TRAPPC9: variants seen among roughly 807,000 people sequenced by gnomAD.
TRAPPC9 encodes the protein IKK2 binding protein.
In TRAPPC9, 83 loss-of-function variants were observed where a neutral mutation model predicts 124.0. That is an observed-to-expected ratio of 0.67 (90% CI 0.56 to 0.80). The LOEUF (loss-of-function observed/expected upper bound fraction) is 0.80. TRAPPC9 is among the 30% of genes least tolerant of loss of function. The pLI is 0.00. For synonymous variants in TRAPPC9, 638 were observed against 617.5 expected (o/e 1.03, Z -0.49); for missense variants, 1,302 against 1,508.3 (o/e 0.86, Z 2.27).
At chr8:140,356,302 C>T (rs1439522584) in intron 9 of TRAPPC9, among the ~76,000 whole-genome samples, 2 of 152,226 alleles carry the variant, frequency 1.3e-5, no homozygotes, top group South Asian at 2.1e-4. Flanking sequence ...CATCAACCTC[C>T]GAGCACGTGG....
At chr8:140,332,181 G>A (rs2066910805) in intron 9 of TRAPPC9, among the ~76,000 whole-genome samples, 1 of 152,170 alleles carries the variant, frequency 6.6e-6, no homozygotes, top group Admixed American at 6.5e-5. Context: ...CTATGACATG[G>A]TTGAACCTAA....
In TRAPPC9 at chr8:139,910,626, G is replaced by A. The variant is rs115291100; in HGVS notation, c.2811-326C>T. On this transcript the variant is annotated intron_variant, in intron 19 of 22. Transcript: ENST00000438773. ...TGTGCCATAGATAGTGAGCTGGATG[G>A]CGACTTAAACTCCTGTGCAGTCATG... Among the ~76,000 whole-genome samples, 3,092 of 152,226 alleles carry A rather than the reference G, an allele frequency of 0.02. 88 individuals are homozygous for A. Among genetic ancestry groups the A allele is most frequent in the Middle Eastern group, 0.085 (25 of 294 alleles).
In TRAPPC9 at chr8:140,283,187, G is replaced by A. The variant is rs569556005; in HGVS notation, c.2114+702C>T. Among the ~76,000 whole-genome samples the A allele has an allele frequency of 7.3e-5, 11 of 151,184 alleles. No homozygotes were observed. In the East Asian group the frequency reaches 1.8e-3, roughly 24 times the overall value. On this transcript the variant is annotated intron_variant, in intron 14 of 22. Transcript: ENST00000438773. The stretch of plus-strand genomic sequence containing the variant: ...TGGGAGGTGGAGGTTGCAGTGAGTC[G>A]AGATCACAATACTGCACTCCAGCCT...
chr8:139,936,233 A>T (rs1414043518), intron 19 of TRAPPC9, among the ~76,000 whole-genome samples: 4 of 152,244 alleles, frequency 2.6e-5, no homozygotes, highest in Admixed American at 2.6e-4. Flanking sequence ...CACAGCTCTT[A>T]GTCCTGCTGA....
At chr8:139,924,082 G>GT (rs1255504648) in intron 19 of TRAPPC9, among the ~76,000 whole-genome samples, 1 of 152,156 alleles carries the variant, frequency 6.6e-6, no homozygotes, top group Non-Finnish European at 1.5e-5. Flanking sequence ...CCAGAGCTCA[G>GT]TGCAGGGTGA....
intron 18 of TRAPPC9, among the ~76,000 whole-genome samples, chr8:139,998,717 G>A (rs534884278): frequency 4.9e-4 from 74 of 152,042 alleles, no homozygotes; most frequent in African/African-American, 1.5e-3. Flanking sequence ...GCGAGACTCC[G>A]TCTCAAAAAA....
At chr8:140,260,885 A>G (rs997255616) in intron 15 of TRAPPC9, among the ~76,000 whole-genome samples, 2 of 152,248 alleles carry the variant, frequency 1.3e-5, no homozygotes, top group Non-Finnish European at 2.9e-5. Flanking sequence ...CGGAAAGCAC[A>G]CACAAGGAGA....
At chr8:140,371,844 C>T (rs1201975938) in intron 7 of TRAPPC9, among the ~76,000 whole-genome samples, 3 of 152,142 alleles carry the variant, frequency 2.0e-5, no homozygotes, top group Non-Finnish European at 4.4e-5. Flanking sequence ...GCTGAGATTA[C>T]AAGCACCCAC....
chr8:140,386,782 C>G (rs2068765706), intron 7 of TRAPPC9, among the ~76,000 whole-genome samples: 1 of 152,154 alleles, frequency 6.6e-6, no homozygotes, highest in Non-Finnish European at 1.5e-5. Context: ...CATCAAGCTA[C>G]CAATGACTTT....
intron 9 of TRAPPC9, among the ~76,000 whole-genome samples, chr8:140,317,713 C>G (rs1441558427): frequency 6.6e-6 from 1 of 152,012 alleles, no homozygotes; most frequent in Admixed American, 6.5e-5. Flanking sequence ...ATGTCCCTAC[C>G]CACAATTACA....
intron 16 of TRAPPC9, among the ~76,000 whole-genome samples, chr8:140,232,815 T>G (rs1381226775): frequency 6.6e-6 from 1 of 152,174 alleles, no homozygotes; most frequent in Non-Finnish European, 1.5e-5. Flanking sequence ...TATTTTAGGA[T>G]AAAAATCAGG....
At chr8:139,774,135 AAGG>A (rs1257564164) in intron 21 of TRAPPC9, among the ~76,000 whole-genome samples, 7 of 152,162 alleles carry the variant, frequency 4.6e-5, no homozygotes, top group East Asian at 3.9e-4. Flanking sequence ...GGGCGGCAAG[AAGG>A]AGGAGGCCCC....
At chr8:139,837,044 A>G (rs376405148) in intron 21 of TRAPPC9, among the ~76,000 whole-genome samples, 6 of 152,182 alleles carry the variant, frequency 3.9e-5, no homozygotes, top group African/African-American at 1.4e-4. Context: ...CAGGACCTGT[A>G]CAGGTGACAG....
intron 17 of TRAPPC9, among the ~76,000 whole-genome samples, chr8:140,038,176 A>G (rs775802535): frequency 1.3e-5 from 2 of 152,052 alleles, no homozygotes; most frequent in African/African-American, 2.4e-5. Context: ...GGAGAATAAA[A>G]AGGATGGCAC....
At chr8:140,173,432 T>TA (rs1446175763) in intron 17 of TRAPPC9, among the ~76,000 whole-genome samples, 2 of 151,670 alleles carry the variant, frequency 1.3e-5, no homozygotes, top group African/African-American at 4.9e-5. Context: ...CGGGTGCCTG[T>TA]AGTTCCAGCT....
chr8:140,176,677 G>C (rs1269215781), intron 17 of TRAPPC9, among the ~76,000 whole-genome samples: 1 of 152,220 alleles, frequency 6.6e-6, no homozygotes, highest in Admixed American at 6.5e-5. Context: ...GTACATAGGG[G>C]AGAAGAGGAA....
rs184993457 is a variant in TRAPPC9, at chr8:140,009,094, G to C, written c.2699+14843C>G. Among the ~76,000 whole-genome samples the C allele has an allele frequency of 2.0e-5, 3 of 152,248 alleles. No homozygotes were observed. In the East Asian group the frequency reaches 5.8e-4, roughly 29 times the overall value. On this transcript the variant is annotated intron_variant, in intron 18 of 22. Transcript: ENST00000438773. ...TCTACGGTCCTGTAGCTCCTTCCAG[G>C]CTTTAGAAGCATAATGGAATTGGAC...
At chr8:139,755,537 G>A (rs2130270686) in intron 21 of TRAPPC9, among the ~76,000 whole-genome samples, 2 of 145,382 alleles carry the variant, frequency 1.4e-5, no homozygotes, top group Admixed American at 6.8e-5. Context: ...GCCAGGGTTT[G>A]GGGATGAGGA....
At chr8:139,992,997 G>C (rs990572248) in intron 18 of TRAPPC9, among the ~76,000 whole-genome samples, 1 of 152,024 alleles carries the variant, frequency 6.6e-6, no homozygotes, top group Non-Finnish European at 1.5e-5. Flanking sequence ...AAAAAAGAAA[G>C]ACTTCTCAAA....
Sources: gnomAD v4.1 joint callset for allele counts (sites outside exome capture counted in the v4.1 genomes callset) on GRCh38, gnomAD v4.1.1 for gene constraint, MANE v1.5 for transcripts, NCBI Gene and HGNC (gene_info 2026-07-23, HGNC 2026-07-21) for gene names.